GORAB: variants seen among roughly 807,000 people sequenced by gnomAD.
The protein encoded by GORAB is golgin, RAB6 interacting, also known as RAB6-interacting golgin.
Under a neutral mutation model 29.9 loss-of-function variants are expected in GORAB, and 17 were observed. The observed-to-expected ratio is 0.57, with a 90% CI of 0.39 to 0.85. The LOEUF is 0.85. GORAB is among the 40% of genes least tolerant of loss of function. The probability of loss-of-function intolerance (pLI) is 0.00; values close to 1 mark genes in which losing one functional copy is unlikely to be tolerated. For synonymous variants in GORAB, 183 were observed against 157.2 expected (o/e 1.16, Z -1.23); for missense variants, 442 against 437.8 (o/e 1.01, Z -0.09).
Position 170,539,422 on chromosome 1 carries a change from A to G in GORAB, c.274A>G (p.Thr92Ala), listed in dbSNP as rs759352018. Reference sequence around the variant, plus strand: ...TACTCTTCCGAGTCATTTCACTCTCACCTCCCCCGTTGGTGATGGACAACC... The same window carrying G: ...TACTCTTCCGAGTCATTTCACTCTCGCCTCCCCCGTTGGTGATGGACAACC... ...SPTLPSHFTL[T>A]SPVGDGQPQG... The change falls in exon 2 of 5, where the codon ACC becomes GCC. Residue 92 changes from threonine to alanine, a missense_variant. Coordinates refer to ENST00000367763, the MANE Select transcript of GORAB (RefSeq NM_152281.3). 8 of 1,614,012 alleles carry G rather than the reference A, an allele frequency of 5.0e-6. No individual in the cohort carries two copies. The highest frequency in any genetic ancestry group is 1.6e-4 in the Middle Eastern group (1 of 6,062).
At chr1:170,544,365 A>C (rs115208114) in intron 3 of GORAB, among the ~76,000 whole-genome samples, 1,725 of 152,330 alleles carry the variant, frequency 0.011, 38 homozygotes, top group African/African-American at 0.038. Flanking sequence ...ATTAAAGACT[A>C]GAAATTTGGA....
intron 1 of GORAB, 191 bp downstream of exon 1, chr1:170,532,475 A>G (rs1648753163): frequency 1.6e-6 from 1 of 627,800 alleles, no homozygotes; most frequent in African/African-American, 1.8e-5. Context: ...GGGGCAAGCC[A>G]GAGGACTGGG....
chr1:170,545,597 C>G, intron 4 of GORAB: 2 of 985,282 alleles, frequency 2.0e-6, no homozygotes, highest in Non-Finnish European at 2.4e-6. Flanking sequence ...TTTAATCATC[C>G]TGGTTTGTCT....
Position 170,544,837 on chromosome 1 carries a change from A to C in GORAB, c.654A>C (p.Ser218=). The change falls in exon 4 of 5, where the codon TCA becomes TCC. Residue 218 remains serine (S), a synonymous_variant. Transcript: ENST00000367763. ...TTGATCAGGCCAGCTTAGACTATTCATACGCTCGGTGAGTTGGGGAAATTG... is the reference window on the plus strand; with the variant it reads ...TTGATCAGGCCAGCTTAGACTATTCCTACGCTCGGTGAGTTGGGGAAATTG... ...NRIDQASLDY[S]YARKRFDRAE... The C allele has an allele frequency of 1.2e-6, 2 of 1,609,840 alleles. No homozygotes were observed. Among genetic ancestry groups the C allele is most frequent in the South Asian group, 2.2e-5 (2 of 90,844 alleles).
chr1:170,542,435 G>C, intron 2 of GORAB, 56 bp from the exon 3 acceptor site: 1 of 988,652 alleles, frequency 1.0e-6, no homozygotes, highest in Non-Finnish European at 1.6e-6. Flanking sequence ...TGTTGGATAG[G>C]GTAGCAGTTT....
Position 170,532,254 on chromosome 1 carries a change from G to C in GORAB, c.31G>C (p.Glu11Gln). 2 of 1,614,158 alleles carry C rather than the reference G, an allele frequency of 1.2e-6. No individual in the cohort carries two copies. The highest frequency in any genetic ancestry group is 1.7e-6 in the Non-Finnish European group (2 of 1,180,010). MAQGWAGFSE[E>Q]ELRRLKQTKD... Reference sequence around the variant, plus strand: ...GCAAGGTTGGGCAGGATTCTCTGAGGAGGAACTGAGGAGACTAAAGCAGAC... The same window carrying C: ...GCAAGGTTGGGCAGGATTCTCTGAGCAGGAACTGAGGAGACTAAAGCAGAC... Residue 11 changes from glutamate (E) to glutamine (Q), a missense_variant, in exon 1 of 5, where the codon GAG becomes CAG. Physicochemically the swap from Glu to Gln is conservative, Grantham distance 29. Transcript: ENST00000367763.
At position 170,539,208 on chromosome 1, in the gene GORAB, A is replaced by C. The variant is rs1192204699; in HGVS notation, c.62-2A>C. 1.9e-6 allele frequency: 3 copies of C among 1,614,080 alleles called. No homozygotes were observed. ...AATTTTCCTCTATTTTCTTTTACAT[A>C]GATCCATTTGAACCACAGCGACGTC... On this transcript the variant is annotated splice_acceptor_variant, in intron 1 of 4. Transcript: ENST00000367763. LOFTEE classifies it high-confidence loss of function.
chr1:170,532,906 T>C (rs780495687), intron 1 of GORAB, among the ~76,000 whole-genome samples: 5 of 152,236 alleles, frequency 3.3e-5, no homozygotes, highest in East Asian at 3.9e-4. Flanking sequence ...TTACTGACTT[T>C]GGAGTAAGCT....
Position 170,553,005 on chromosome 1 carries a change from T to C in GORAB, c.*543T>C, listed in dbSNP as rs1299075471. 2 of 453,208 alleles carry C rather than the reference T, an allele frequency of 4.4e-6. No homozygotes were observed. The highest frequency in any genetic ancestry group is 8.8e-6 in the Non-Finnish European group (2 of 226,582). 28.1% of individuals were successfully genotyped at this position (453,208 alleles called of 1,614,324 possible). ...AACACAACTTGGAAACTGGAATTTATGTGAAGAACCAAACAACTTAAACCA... is the reference window on the plus strand; with the variant it reads ...AACACAACTTGGAAACTGGAATTTACGTGAAGAACCAAACAACTTAAACCA... On this transcript the variant is annotated 3_prime_UTR_variant, in exon 5 of 5. Transcript: ENST00000367763.
At chr1:170,547,422 CTA>C (rs1649830595) in intron 4 of GORAB, among the ~76,000 whole-genome samples, 1 of 134,496 alleles carries the variant, frequency 7.4e-6, no homozygotes, top group Non-Finnish European at 1.5e-5. Context: ...GCTACTGCTG[CTA>C]CTGCTGCTAC....
At chr1:170,540,363 CTTTG>C (rs556257653) in intron 2 of GORAB, among the ~76,000 whole-genome samples, 6 of 151,206 alleles carry the variant, frequency 4.0e-5, no homozygotes, top group Non-Finnish European at 5.9e-5. Context: ...ACTCTTATTT[CTTTG>C]TTTGCTCCTG....
chr1:170,546,539 G>A (rs1163996580), intron 4 of GORAB, among the ~76,000 whole-genome samples: 1 of 152,102 alleles, frequency 6.6e-6, no homozygotes, highest in Non-Finnish European at 1.5e-5. Flanking sequence ...ATTACTAAAG[G>A]AAAAAACATC....
rs1464517819 is a variant in GORAB, at chr1:170,553,175, T to C, written c.*713T>C. On this transcript the variant is annotated 3_prime_UTR_variant, in exon 5 of 5. Coordinates refer to ENST00000367763, the MANE Select transcript of GORAB (RefSeq NM_152281.3). Reference sequence around the variant, plus strand: ...CTTTAATCGATGAATTGATTAAATTTAGACAATTAAAACATTTCTAAAGTG... The same window carrying C: ...CTTTAATCGATGAATTGATTAAATTCAGACAATTAAAACATTTCTAAAGTG... 2 of 432,928 alleles carry C rather than the reference T, an allele frequency of 4.6e-6. No homozygotes were observed. Among genetic ancestry groups the C allele is most frequent in the African/African-American group, 2.0e-5 (1 of 48,782 alleles). 26.8% of individuals were successfully genotyped at this position (432,928 alleles called of 1,614,324 possible).
In GORAB at chr1:170,539,251, CGACAACAACT is replaced by C. The variant is rs1558004215; in HGVS notation, c.104_113del (p.Arg35LeufsTer8). 2 of 1,614,094 alleles carry C rather than the reference CGACAACAACT, an allele frequency of 1.2e-6. No individual in the cohort carries two copies. The highest frequency in any genetic ancestry group is 1.7e-5 in the Admixed American group (1 of 60,002). ...GCGACGTCTCCCCGCGAAGAAAAGT[CGACAACAACT>C]TCAGCGAGAAAAAGCCCTTGTAGAG... On this transcript the variant is annotated frameshift_variant, in exon 2 of 5. Coordinates refer to ENST00000367763, the MANE Select transcript of GORAB (RefSeq NM_152281.3). LOFTEE classifies it high-confidence loss of function.
At chr1:170,543,819 C>A (rs945347098) in intron 3 of GORAB, among the ~76,000 whole-genome samples, 11 of 151,870 alleles carry the variant, frequency 7.2e-5, no homozygotes, top group African/African-American at 2.7e-4. Flanking sequence ...GGAAATACAA[C>A]GTTTGAACTA....
chr1:170,532,507 T>C, intron 1 of GORAB: 1 of 545,368 alleles, frequency 1.8e-6, no homozygotes, highest in Admixed American at 3.1e-5. Flanking sequence ...GAAAAAACGG[T>C]CCAGGAATCC....
Position 170,552,515 on chromosome 1 carries a change from C to G in GORAB, c.*53C>G. 7.1e-7 allele frequency: 1 copy of G among 1,418,394 alleles called. No individual in the cohort carries two copies. The highest frequency in any genetic ancestry group is 9.9e-7 in the Non-Finnish European group (1 of 1,006,538). 87.9% of individuals were successfully genotyped at this position (1,418,394 alleles called of 1,614,324 possible). A position where few individuals can be genotyped will look rare whatever the true frequency, so the allele number is the denominator to read the frequency against. ...GGTATTGAGTAAAGTATACTTTTTG[C>G]AGTAGATCATGCCCTGACCTCCAAT... On this transcript the variant is annotated 3_prime_UTR_variant, in exon 5 of 5. Transcript: ENST00000367763.
At chr1:170,549,659 T>C (rs1649995058) in intron 4 of GORAB, among the ~76,000 whole-genome samples, 1 of 152,176 alleles carries the variant, frequency 6.6e-6, no homozygotes. Flanking sequence ...GGGTATGTTA[T>C]AAAGTATGGA....
rs779687238 is a variant in GORAB, at chr1:170,552,673, C to G, written c.*211C>G. The G allele has an allele frequency of 1.6e-6, 1 of 610,874 alleles. No individual in the cohort carries two copies. Among genetic ancestry groups the G allele is most frequent in the South Asian group, 1.5e-5 (1 of 65,890 alleles). The allele number at this position is 610,874 out of a possible 1,614,324, so 37.8% of individuals were successfully genotyped here. A position where few individuals can be genotyped will look rare whatever the true frequency, so the allele number is the denominator to read the frequency against. On this transcript the variant is annotated 3_prime_UTR_variant, in exon 5 of 5. Coordinates refer to ENST00000367763, the MANE Select transcript of GORAB (RefSeq NM_152281.3). ...GGTATGTTTCACCTTGATTTTGGCC[C>G]GGTTCTTTCAGTGTTCCGTTTACCC...
Sources: gnomAD v4.1 joint callset for allele counts (sites outside exome capture counted in the v4.1 genomes callset) on GRCh38, gnomAD v4.1.1 for gene constraint, MANE v1.5 for transcripts, NCBI Gene and HGNC (gene_info 2026-07-23, HGNC 2026-07-21) for gene names.